Variants in ATP10B observed in about 807,000 individuals in gnomAD.
The protein encoded by ATP10B is ATPase phospholipid transporting 10B (putative).
In ATP10B, 122 loss-of-function variants were observed where a neutral mutation model predicts 141.2. That is an observed-to-expected ratio of 0.86 (90% confidence interval 0.75 to 1.00). ATP10B has a LOEUF of 1.00. Ranked by LOEUF, ATP10B falls within the 50% of genes least tolerant of loss-of-function variation. ATP10B has a pLI of 0.00. For missense variants in ATP10B, 1,876 were observed against 1,825.3 expected (o/e 1.03, Z -0.51); for synonymous variants, 685 against 692.0 (o/e 0.99, Z 0.16).
At chr5:160,717,242 G>A (rs1467443339) in intron 2 of ATP10B, among the ~76,000 whole-genome samples, 1 of 152,138 alleles carries the variant, frequency 6.6e-6, no homozygotes, top group Admixed American at 6.5e-5. Flanking sequence ...AGAGGAATTG[G>A]AGGAGAATAC....
the ATP10B span, among the ~76,000 whole-genome samples, chr5:160,884,351 G>A: frequency 6.6e-6 from 1 of 152,194 alleles, no homozygotes; most frequent in Admixed American, 6.5e-5. Flanking sequence ...TAATTGATCA[G>A]TATTTTCCAA....
chr5:160,859,539 G>C, the ATP10B span, among the ~76,000 whole-genome samples: 4 of 151,074 alleles, frequency 2.6e-5, no homozygotes, highest in African/African-American at 4.9e-5. Flanking sequence ...TTAAATTTTA[G>C]ATAAGTCTGT....
chr5:160,745,395 C>T (rs34060511), intron 2 of ATP10B, among the ~76,000 whole-genome samples: 2,730 of 152,284 alleles, frequency 0.018, 61 homozygotes, highest in Middle Eastern at 0.034. Flanking sequence ...AAACAAAACT[C>T]CATGATGCAA....
intron 7 of ATP10B, among the ~76,000 whole-genome samples, chr5:160,653,962 G>T (rs1581277631): frequency 9.2e-5 from 12 of 131,118 alleles, no homozygotes; most frequent in South Asian, 2.3e-4. Flanking sequence ...AATATATGTT[G>T]TATATACGTA....
chr5:160,864,776 A>G, the ATP10B span, among the ~76,000 whole-genome samples: 1 of 151,938 alleles, frequency 6.6e-6, no homozygotes. Context: ...TACATCAACA[A>G]CACAAATTAA....
At chr5:160,849,618 TACACACACAC>T (rs796968833) in intron 1 of ATP10B, among the ~76,000 whole-genome samples, 1 of 148,130 alleles carries the variant, frequency 6.8e-6, no homozygotes, top group Non-Finnish European at 1.5e-5. Flanking sequence ...TACTGGCAAT[TACACACACAC>T]ACACACACAC....
At chr5:160,898,722 G>A in the ATP10B span, among the ~76,000 whole-genome samples, 17 of 152,228 alleles carry the variant, frequency 1.1e-4, no homozygotes, top group African/African-American at 3.6e-4. Context: ...ACTATTCACA[G>A]TAGCAAAGAC....
intron 7 of ATP10B, among the ~76,000 whole-genome samples, chr5:160,651,767 T>A (rs1760758707): frequency 6.6e-6 from 1 of 152,122 alleles, no homozygotes; most frequent in Non-Finnish European, 1.5e-5. Context: ...CTCTACTCAC[T>A]TGAAATAAAT....
chr5:160,640,055 G>C (rs1759720283), intron 10 of ATP10B, among the ~76,000 whole-genome samples: 1 of 152,216 alleles, frequency 6.6e-6, no homozygotes, highest in African/African-American at 2.4e-5. Context: ...CCAGGGGTTT[G>C]AGACTCCTGC....
At chr5:160,571,054 T>C (rs1754845222) in intron 24 of ATP10B, among the ~76,000 whole-genome samples, 1 of 152,200 alleles carries the variant, frequency 6.6e-6, no homozygotes, top group Non-Finnish European at 1.5e-5. Context: ...AGAGTAAGTA[T>C]GAATTTCTTT....
chr5:160,676,559 A>C (rs920745671), intron 6 of ATP10B, among the ~76,000 whole-genome samples: 3 of 152,192 alleles, frequency 2.0e-5, no homozygotes, highest in Non-Finnish European at 4.4e-5. Flanking sequence ...CCTGGGTCTT[A>C]TATTTCTATA....
At chr5:160,790,225 G>T (rs770902630) in intron 1 of ATP10B, among the ~76,000 whole-genome samples, 2 of 152,012 alleles carry the variant, frequency 1.3e-5, no homozygotes, top group Non-Finnish European at 2.9e-5. Context: ...TTACTGCCTT[G>T]GGTATGATAC....
chr5:160,671,001 C>T (rs1762659609), intron 6 of ATP10B, among the ~76,000 whole-genome samples: 1 of 151,624 alleles, frequency 6.6e-6, no homozygotes, highest in African/African-American at 2.4e-5. Context: ...CCTGTCTCTA[C>T]TAAAAATACA....
chr5:160,662,004 A>G (rs1761955688), intron 7 of ATP10B, among the ~76,000 whole-genome samples: 1 of 152,204 alleles, frequency 6.6e-6, no homozygotes, highest in Non-Finnish European at 1.5e-5. Flanking sequence ...TACACCAATA[A>G]CAGACAAACA....
At chr5:160,924,578 G>A in the ATP10B span, among the ~76,000 whole-genome samples, 2 of 152,190 alleles carry the variant, frequency 1.3e-5, no homozygotes, top group Non-Finnish European at 2.9e-5. Context: ...TGCAGTGATC[G>A]TGTGCTGGGA....
At chr5:160,683,622 A>G (rs1763567061) in intron 6 of ATP10B, among the ~76,000 whole-genome samples, 1 of 152,212 alleles carries the variant, frequency 6.6e-6, no homozygotes, top group South Asian at 2.1e-4. Context: ...GCCAGTGCGG[A>G]ATGTCTGCTG....
At position 160,606,902 on chromosome 5, in the gene ATP10B, T is replaced by C. The variant is rs777920872; in HGVS notation, c.3023A>G (p.Gln1008Arg). ...IDGKTLNAIFQGKLEKKFLEL... is the reference protein window; with the variant it reads ...IDGKTLNAIFRGKLEKKFLEL... ...CAGAAACTTCTTCTCTAGCTTTCCC[T>C]GGAAGATGGCATTCAATGTCTTCCC... Residue 1008 changes from glutamine (Q) to arginine (R), a missense_variant, in exon 19 of 26, where the codon CAG becomes CGG. Gln to Arg is a conservative substitution (Grantham distance 43). Transcript: ENST00000327245. 1 of 1,614,200 alleles carries C rather than the reference T, an allele frequency of 6.2e-7. No individual in the cohort carries two copies. The highest frequency in any genetic ancestry group is 1.7e-5 in the Admixed American group (1 of 60,026).
chr5:160,658,030 C>A (rs1274726378), intron 7 of ATP10B, among the ~76,000 whole-genome samples: 1 of 152,152 alleles, frequency 6.6e-6, no homozygotes, highest in East Asian at 1.9e-4. Context: ...ACACTTTGTA[C>A]CTCATGTTTT....
chr5:160,662,491 A>G (rs1393979069), intron 7 of ATP10B, among the ~76,000 whole-genome samples: 14 of 152,174 alleles, frequency 9.2e-5, no homozygotes, highest in Non-Finnish European at 1.9e-4. Context: ...AAATAATGCC[A>G]CATATCTACA....
Sources: gnomAD v4.1 joint callset for allele counts (sites outside exome capture counted in the v4.1 genomes callset) on GRCh38, gnomAD v4.1.1 for gene constraint, MANE v1.5 for transcripts, NCBI Gene and HGNC (gene_info 2026-07-23, HGNC 2026-07-21) for gene names.